The following SPATA17 variants were observed in gnomAD, a reference collection of about 807,000 sequenced individuals.
SPATA17 encodes the protein spermatogenesis-associated protein 17.
In SPATA17, 53 loss-of-function variants were observed where a neutral mutation model predicts 62.2. That is an observed-to-expected ratio of 0.85 (90% CI 0.68 to 1.07). The LOEUF (loss-of-function observed/expected upper bound fraction) is 1.07, where lower values mean the gene tolerates loss of function less well. Ranked by LOEUF, SPATA17 falls within the 50% of genes least tolerant of loss-of-function variation. The pLI is 0.00. For missense variants in SPATA17, 466 were observed against 425.5 expected, an observed-to-expected ratio of 1.10 and a Z score of -0.84; for synonymous variants, 146 against 146.8, an observed-to-expected ratio of 0.99 and a Z score of 0.04.
At chr1:217,857,200 A>G (rs929457244) in intron 9 of SPATA17, among the ~76,000 whole-genome samples, 35 of 152,314 alleles carry the variant, frequency 2.3e-4, no homozygotes, top group African/African-American at 7.9e-4. Flanking sequence ...GTATTTAAGC[A>G]CTCAGTTGTG....
intron 9 of SPATA17, among the ~76,000 whole-genome samples, chr1:217,815,214 G>A (rs1674682702): frequency 6.6e-6 from 1 of 152,084 alleles, no homozygotes; most frequent in South Asian, 2.1e-4. Flanking sequence ...GACCCCAAAT[G>A]ACTGGAAATA....
intron 9 of SPATA17, among the ~76,000 whole-genome samples, chr1:217,860,291 TTTG>T (rs1675872718): frequency 6.6e-6 from 1 of 152,164 alleles, no homozygotes; most frequent in African/African-American, 2.4e-5. Context: ...TTCTTTTAAA[TTTG>T]TTAAGTTGTG....
chr1:217,801,044 T>A (rs961245037), intron 8 of SPATA17, among the ~76,000 whole-genome samples: 1 of 152,182 alleles, frequency 6.6e-6, no homozygotes, highest in Non-Finnish European at 1.5e-5. Flanking sequence ...GTTCCTTCGA[T>A]TTTTACATCT....
chr1:217,792,638 T>A (rs1418870257), intron 8 of SPATA17, among the ~76,000 whole-genome samples: 1 of 152,186 alleles, frequency 6.6e-6, no homozygotes, highest in Admixed American at 6.5e-5. Context: ...TTTGCTCAAT[T>A]TGTGTTAACA....
intron 5 of SPATA17, among the ~76,000 whole-genome samples, chr1:217,684,461 C>G (rs955989248): frequency 1.6e-4 from 25 of 152,074 alleles, no homozygotes; most frequent in Admixed American, 1.6e-3. Context: ...GTCACGCAGG[C>G]TGGAGTGCAG....
chr1:217,775,731 C>A (rs934453403), intron 7 of SPATA17, among the ~76,000 whole-genome samples: 41 of 151,352 alleles, frequency 2.7e-4, no homozygotes, highest in South Asian at 6.3e-4. Flanking sequence ...ATCTATCTAT[C>A]TATATATATA....
chr1:217,801,684 C>G, intron 8 of SPATA17, 34 bp from the exon 9 acceptor site: 1 of 1,544,338 alleles, frequency 6.5e-7, no homozygotes, highest in Non-Finnish European at 8.8e-7. Flanking sequence ...CTCTAGAAAT[C>G]AAGTTAAGAA....
intron 1 of SPATA17, among the ~76,000 whole-genome samples, chr1:217,639,402 A>G (rs1230619100): frequency 6.6e-6 from 1 of 152,150 alleles, no homozygotes; most frequent in Non-Finnish European, 1.5e-5. Flanking sequence ...TATGTCATCT[A>G]TGTACCCTAC....
intron 5 of SPATA17, among the ~76,000 whole-genome samples, chr1:217,685,592 T>C (rs1671198194): frequency 6.6e-6 from 1 of 152,176 alleles, no homozygotes; most frequent in African/African-American, 2.4e-5. Context: ...TAGGATGTTT[T>C]TTCTTTTTTA....
intron 2 of SPATA17, 71 bp from the exon 3 acceptor site, chr1:217,651,026 T>C (rs1296338055): frequency 8.9e-7 from 1 of 1,128,450 alleles, no homozygotes; most frequent in East Asian, 2.4e-5. Context: ...TGTAGGAGAG[T>C]ATTTTAACAA....
chr1:217,812,268 A>T (rs1350791024), intron 9 of SPATA17, among the ~76,000 whole-genome samples: 1 of 152,190 alleles, frequency 6.6e-6, no homozygotes, highest in Admixed American at 6.6e-5. Flanking sequence ...TCTTCCTCTC[A>T]TCACATTCAT....
intron 9 of SPATA17, among the ~76,000 whole-genome samples, chr1:217,819,678 T>G (rs1674813073): frequency 6.6e-6 from 1 of 152,082 alleles, no homozygotes; most frequent in Non-Finnish European, 1.5e-5. Flanking sequence ...CTGTATTAAC[T>G]CTTAGAATTT....
chr1:217,810,065 ATCT>A (rs1674548501), intron 9 of SPATA17, among the ~76,000 whole-genome samples: 5 of 152,162 alleles, frequency 3.3e-5, no homozygotes, highest in Admixed American at 3.3e-4. Context: ...AGAGTAAGAC[ATCT>A]TCTTGTGCAA....
At chr1:217,829,955 GATGAGAGAT>G (rs1159583292) in intron 9 of SPATA17, among the ~76,000 whole-genome samples, 1 of 151,888 alleles carries the variant, frequency 6.6e-6, no homozygotes, top group Non-Finnish European at 1.5e-5. Flanking sequence ...GTAACTGTCA[GATGAGAGAT>G]ATATTAATCT....
chr1:217,808,447 G>A (rs1412804129), intron 9 of SPATA17, among the ~76,000 whole-genome samples: 1 of 152,062 alleles, frequency 6.6e-6, no homozygotes, highest in East Asian at 1.9e-4. Context: ...CCACTGGAAA[G>A]GGTATGGGTT....
At chr1:217,852,286 G>T (rs1029559572) in intron 9 of SPATA17, among the ~76,000 whole-genome samples, 1 of 152,102 alleles carries the variant, frequency 6.6e-6, no homozygotes, top group South Asian at 2.1e-4. Context: ...ACTATTTGTG[G>T]CATCAATGAA....
intron 7 of SPATA17, 62 bp from the exon 8 acceptor site, chr1:217,782,112 T>TA: frequency 6.9e-7 from 1 of 1,459,550 alleles, no homozygotes; most frequent in Non-Finnish European, 9.1e-7. Flanking sequence ...CTAGCCTTGG[T>TA]CATCAGTAAT....
At chr1:217,777,588 T>C (rs1571799379) in intron 7 of SPATA17, among the ~76,000 whole-genome samples, 1 of 151,856 alleles carries the variant, frequency 6.6e-6, no homozygotes, top group Non-Finnish European at 1.5e-5. Flanking sequence ...TTTTAGTAGA[T>C]ATAGGGTTTC....
At chr1:217,853,351 T>C (rs1162162932) in intron 9 of SPATA17, among the ~76,000 whole-genome samples, 1 of 152,198 alleles carries the variant, frequency 6.6e-6, no homozygotes, top group Non-Finnish European at 1.5e-5. Context: ...ATATGGTTAG[T>C]GTTAGTGTTC....
Sources: gnomAD v4.1 joint callset for allele counts (sites outside exome capture counted in the v4.1 genomes callset) on GRCh38, gnomAD v4.1.1 for gene constraint, MANE v1.5 for transcripts, NCBI Gene and HGNC (gene_info 2026-07-23, HGNC 2026-07-21) for gene names.